Variants in SLC17A7 observed in about 807,000 individuals in gnomAD.
The protein encoded by SLC17A7 is vesicular glutamate transporter 1.
SLC17A7 carries 15 observed loss-of-function variants against 59.1 expected under a neutral mutation model. The observed-to-expected ratio is 0.25, with a 90% CI of 0.17 to 0.39. The LOEUF (loss-of-function observed/expected upper bound fraction) is 0.39. SLC17A7 is among the 10% of genes least tolerant of loss of function. SLC17A7 has a pLI of 1.00. For missense variants in SLC17A7, 499 were observed against 765.1 expected, an observed-to-expected ratio of 0.65 and a Z score of 4.10; for synonymous variants, 353 against 308.9, an observed-to-expected ratio of 1.14 and a Z score of -1.50.
At chr19:49,434,529 GCT>G in intron 5 of SLC17A7, 71 bp downstream of exon 5, 1 of 485,390 alleles carries the variant, frequency 2.1e-6, no homozygotes, top group Non-Finnish European at 3.6e-6. Flanking sequence ...GCCCCTCCCC[GCT>G]CAGACCCAAC....
chr19:49,438,798 C>T (rs2078989271), intron 1 of SLC17A7, among the ~76,000 whole-genome samples: 1 of 152,146 alleles, frequency 6.6e-6, no homozygotes, highest in South Asian at 2.1e-4. Context: ...GACCCTGAAA[C>T]TCAAGATGTG....
rs762504790 is a variant in SLC17A7, at chr19:49,430,525, G to T, written c.1677C>A (p.Asp559Glu). The T allele has an allele frequency of 6.4e-7, 1 of 1,573,272 alleles. No homozygotes were observed. Among genetic ancestry groups the T allele is most frequent in the Admixed American group, 1.8e-5 (1 of 57,112 alleles). The change falls in exon 12 of 12, where the codon GAC becomes GAA. Residue 559 changes from aspartate to glutamate, a missense_variant. Physicochemically the swap from Asp to Glu is conservative, Grantham distance 45. Coordinates refer to ENST00000221485, the MANE Select transcript of SLC17A7 (RefSeq NM_020309.4). ...QPPRPPPPVRDY is the reference protein window; with the variant it reads ...QPPRPPPPVREY ...TTCAGTGGGAGGCACATGGTCAGTA[G>T]TCCCGGACAGGGGGTGGGGGCCTGG...
intron 2 of SLC17A7, 40 bp from the exon 3 acceptor site, chr19:49,435,326 A>C: frequency 6.9e-7 from 1 of 1,459,602 alleles, no homozygotes; most frequent in Non-Finnish European, 9.6e-7. Context: ...CGCCCTGTCC[A>C]GGCTCTGCCG....
At position 49,431,354 on chromosome 19, in the gene SLC17A7, G is replaced by A; in HGVS notation, c.1245C>T (p.Ser415=). 6.2e-7 allele frequency: 1 copy of A among 1,614,150 alleles called. No homozygotes were observed. Among genetic ancestry groups the A allele is most frequent in the Non-Finnish European group, 8.5e-7 (1 of 1,179,988 alleles). Residue 415 remains serine (S), a synonymous_variant, in exon 10 of 12, where the codon AGC becomes AGT. Transcript: ENST00000221485. The surrounding 1 kb of genome is among the most constrained non-coding windows in gnomAD (Gnocchi z 4.6). ...GGTTCTCACCAGAGATGGCGAAGCC[G>A]CTGAAGCCCACGGCTAGGACCAGGA... is the stretch of plus-strand genomic sequence containing the variant. ...ISFLVLAVGF[S]GFAISGFNVN...
At chr19:49,435,025 C>T (rs1052045588) in intron 3 of SLC17A7, 143 bp from the exon 4 acceptor site, 8 of 1,001,890 alleles carry the variant, frequency 8.0e-6, no homozygotes, top group Admixed American at 1.9e-5. Flanking sequence ...TCCTCAATCG[C>T]AAGCCCCACC....
At chr19:49,440,777 G>A (rs1419904985) in intron 1 of SLC17A7, among the ~76,000 whole-genome samples, 1 of 152,198 alleles carries the variant, frequency 6.6e-6, no homozygotes, top group Non-Finnish European at 1.5e-5. Flanking sequence ...ACCCAGAGAA[G>A]TGGGGACCAG....
Position 49,433,218 on chromosome 19 carries a change from G to C in SLC17A7, c.868-258C>G. 1 of 533,700 alleles carries C rather than the reference G, an allele frequency of 1.9e-6. No individual in the cohort carries two copies. Among genetic ancestry groups the C allele is most frequent in the Admixed American group, 3.7e-5 (1 of 27,130 alleles). The allele number at this position is 533,700 out of a possible 1,614,324, so 33.1% of individuals were successfully genotyped here. On this transcript the variant is annotated intron_variant, in intron 7 of 11. Transcript: ENST00000221485. The surrounding 1 kb of genome is among the most constrained non-coding windows in gnomAD (Gnocchi z 5.7). The stretch of plus-strand genomic sequence containing the variant: ...GTCCGCAGGTGTCCGGGCCCCTCAG[G>C]GACCTGTCTTTTTCTTTTTTTCTTT...
At position 49,433,445 on chromosome 19, in the gene SLC17A7, G is replaced by T. The variant is rs1274295955; in HGVS notation, c.867+281C>A. On this transcript the variant is annotated intron_variant, in intron 7 of 11. Transcript: ENST00000221485. This position sits in a 1 kb window ranked among gnomAD's most constrained non-coding sequence, Gnocchi z 5.7. ...TCCCAAAATACAGCCTCAACTCAAGGTCTAAGCAAAACCCCCACATTCTAA... is the reference window on the plus strand; with the variant it reads ...TCCCAAAATACAGCCTCAACTCAAGTTCTAAGCAAAACCCCCACATTCTAA... The T allele has an allele frequency of 5.4e-6, 3 of 551,522 alleles. No homozygotes were observed. The highest frequency in any genetic ancestry group is 6.6e-6 in the Non-Finnish European group (2 of 301,408). The allele number at this position is 551,522 out of a possible 1,614,324, so 34.2% of individuals were successfully genotyped here.
In SLC17A7 at chr19:49,436,685, G is replaced by C; in HGVS notation, c.179C>G (p.Pro60Arg). 1 of 1,613,894 alleles carries C rather than the reference G, an allele frequency of 6.2e-7. No homozygotes were observed. Among genetic ancestry groups the C allele is most frequent in the Non-Finnish European group, 8.5e-7 (1 of 1,179,980 alleles). Residue 60 changes from proline to arginine, a missense_variant, in exon 2 of 12, where the codon CCT becomes CGT. This residue lies in a region of SLC17A7 where 323 missense variants were observed against 607.2 expected (regional missense o/e 0.53). Coordinates refer to ENST00000221485, the MANE Select transcript of SLC17A7 (RefSeq NM_020309.4). This position sits in a 1 kb window ranked among gnomAD's most constrained non-coding sequence, Gnocchi z 4.1. The part of the protein sequence containing the change: ...PVVDCTCFGL[P>R]RRYIIAIMSG... ...CATGATGGCGATAATGTAGCGGCGA[G>C]GGAGGCCGAAGCAGGTGCAGTCCAC...
Position 49,431,859 on chromosome 19 carries a change from A to C in SLC17A7, c.1151-411T>G, listed in dbSNP as rs1354944015. ...TCACGACGTTGCCCAGGCTGGTCTC[A>C]AACTCCTGAGCTCAAGTGATCCACC... On this transcript the variant is annotated intron_variant, in intron 9 of 11. Coordinates refer to ENST00000221485, the MANE Select transcript of SLC17A7 (RefSeq NM_020309.4). This position sits in a 1 kb window ranked among gnomAD's most constrained non-coding sequence, Gnocchi z 4.6. Among the ~76,000 whole-genome samples the C allele has an allele frequency of 6.6e-6, 1 of 151,742 alleles. No homozygotes were observed. The highest frequency in any genetic ancestry group is 1.5e-5 in the Non-Finnish European group (1 of 67,940).
chr19:49,432,197 A>G (rs1377366041), intron 9 of SLC17A7, among the ~76,000 whole-genome samples: 1 of 151,976 alleles, frequency 6.6e-6, no homozygotes, highest in Non-Finnish European at 1.5e-5. Context: ...CCTCTTCATC[A>G]CCTAGTTCAT....
At position 49,430,222 on chromosome 19, in the gene SLC17A7, G is replaced by C. The variant is rs543326594; in HGVS notation, c.*297C>G. ...AAACCACAAGAGAGAGTAAGAGGTC[G>C]AACTGTCCATTCAAATAAAGCCCTG... On this transcript the variant is annotated 3_prime_UTR_variant, in exon 12 of 12. Coordinates refer to ENST00000221485, the MANE Select transcript of SLC17A7 (RefSeq NM_020309.4). The C allele has an allele frequency of 3.9e-6, 1 of 257,636 alleles. No individual in the cohort carries two copies. Among genetic ancestry groups the C allele is most frequent in the South Asian group, 9.9e-5 (1 of 10,134 alleles). The allele number at this position is 257,636 out of a possible 1,614,324, so 16.0% of individuals were successfully genotyped here.
In SLC17A7 at chr19:49,433,317, A is replaced by G; in HGVS notation, c.868-357T>C. ...GCCATGTTGCCCAAGCTGGTCTGGA[A>G]CTCCTGGGCTCAAGCGATCCTGCAG... On this transcript the variant is annotated intron_variant, in intron 7 of 11. Coordinates refer to ENST00000221485, the MANE Select transcript of SLC17A7 (RefSeq NM_020309.4). This position sits in a 1 kb window ranked among gnomAD's most constrained non-coding sequence, Gnocchi z 5.7. The G allele has an allele frequency of 2.6e-6, 1 of 378,400 alleles. No homozygotes were observed. Among genetic ancestry groups the G allele is most frequent in the South Asian group, 2.8e-5 (1 of 35,518 alleles). The allele number at this position is 378,400 out of a possible 1,614,324, so 23.4% of individuals were successfully genotyped here. A position where few individuals can be genotyped will look rare whatever the true frequency, so the allele number is the denominator to read the frequency against.
At position 49,431,179 on chromosome 19, in the gene SLC17A7, A is replaced by C. The variant is rs1342523872; in HGVS notation, c.1262-37T>G. 1.3e-6 allele frequency: 2 copies of C among 1,598,110 alleles called. No homozygotes were observed. The highest frequency in any genetic ancestry group is 1.7e-6 in the Non-Finnish European group (2 of 1,170,188). On this transcript the variant is annotated intron_variant, in intron 10 of 11. Coordinates refer to ENST00000221485, the MANE Select transcript of SLC17A7 (RefSeq NM_020309.4). The surrounding 1 kb of genome is among the most constrained non-coding windows in gnomAD (Gnocchi z 4.6). The stretch of plus-strand genomic sequence containing the variant: ...ACAAGTCGGAAGGCGTCACACCGGA[A>C]TCTCACTCGAGTGATTCCCACTGGG...
chr19:49,441,004 C>T (rs1198428603), intron 1 of SLC17A7, among the ~76,000 whole-genome samples: 1 of 149,716 alleles, frequency 6.7e-6, no homozygotes, highest in African/African-American at 2.5e-5. Flanking sequence ...AGAAAAGGGG[C>T]AGAGACATCC....
rs1358277017 is a variant in SLC17A7, at chr19:49,429,664, C to A, written c.*855G>T. On this transcript the variant is annotated 3_prime_UTR_variant, in exon 12 of 12. Coordinates refer to ENST00000221485, the MANE Select transcript of SLC17A7 (RefSeq NM_020309.4). Reference sequence around the variant, plus strand: ...ATGGCCACTGAGAAACAGGGTAGTTCGAAACCACCCAGGAGAATAAAGTGC... The same window carrying A: ...ATGGCCACTGAGAAACAGGGTAGTTAGAAACCACCCAGGAGAATAAAGTGC... The A allele has an allele frequency of 2.5e-6, 1 of 397,974 alleles. No homozygotes were observed. The highest frequency in any genetic ancestry group is 3.6e-5 in the East Asian group (1 of 28,060). 24.7% of individuals were successfully genotyped at this position (397,974 alleles called of 1,614,324 possible).
At chr19:49,439,339 G>A (rs2078991255) in intron 1 of SLC17A7, among the ~76,000 whole-genome samples, 1 of 152,084 alleles carries the variant, frequency 6.6e-6, no homozygotes, top group Admixed American at 6.5e-5. Flanking sequence ...ACAGCAATGG[G>A]ACCTGATCCC....
chr19:49,434,179 C>T, intron 5 of SLC17A7, 133 bp from the exon 6 acceptor site: 1 of 653,666 alleles, frequency 1.5e-6, no homozygotes, highest in Non-Finnish European at 2.7e-6. Context: ...CCCAGGAATC[C>T]AGGCCTAGCC....
chr19:49,436,315 G>A lies in SLC17A7; in HGVS notation c.315+234C>T. 1.7e-6 allele frequency: 1 copy of A among 579,788 alleles called. No homozygotes were observed. Among genetic ancestry groups the A allele is most frequent in the Admixed American group, 3.0e-5 (1 of 33,116 alleles). The allele number at this position is 579,788 out of a possible 1,614,324, so 35.9% of individuals were successfully genotyped here. On this transcript the variant is annotated intron_variant, in intron 2 of 11. Transcript: ENST00000221485. This position sits in a 1 kb window ranked among gnomAD's most constrained non-coding sequence, Gnocchi z 4.1. The stretch of plus-strand genomic sequence containing the variant: ...GGCGGACTCTACATTTTTCAATCAA[G>A]CCCCTGGAAATAAGGGCGGGACTTC...
Sources: gnomAD v4.1 joint callset for allele counts (sites outside exome capture counted in the v4.1 genomes callset) on GRCh38, gnomAD v4.1.1 for gene constraint, gnomAD v4.1.1 regional missense constraint, Gnocchi (gnomAD v3.1) non-coding constraint, MANE v1.5 for transcripts, NCBI Gene and HGNC (gene_info 2026-07-23, HGNC 2026-07-21) for gene names.